USH2A: variants seen among roughly 807,000 people sequenced by gnomAD.
USH2A encodes the protein usherin.
In USH2A, 443 loss-of-function variants were observed where a neutral mutation model predicts 538.9. The observed-to-expected ratio is 0.82, with a 90% confidence interval of 0.76 to 0.89. USH2A has a LOEUF of 0.89. USH2A is among the 40% of genes least tolerant of loss of function. USH2A has a pLI of 0.00. For synonymous variants in USH2A, 2,413 were observed against 2,273.5 expected (o/e 1.06, Z -1.75); for missense variants, 6,633 against 6,324.8 (o/e 1.05, Z -1.65).
chr1:215,712,130 C>A (rs1163731115), intron 61 of USH2A, among the ~76,000 whole-genome samples: 1 of 152,130 alleles, frequency 6.6e-6, no homozygotes, highest in Non-Finnish European at 1.5e-5. Context: ...GACTCCCAAC[C>A]CAAATATGCT....
chr1:216,195,049 C>A (rs2034808084), intron 19 of USH2A, among the ~76,000 whole-genome samples: 1 of 152,086 alleles, frequency 6.6e-6, no homozygotes, highest in Non-Finnish European at 1.5e-5. Flanking sequence ...AAACTATATA[C>A]CATTTGCTAA....
chr1:215,912,489 A>ATATATATATATACGTATATATATATG (rs1665824418), intron 38 of USH2A, among the ~76,000 whole-genome samples: 1 of 21,884 alleles, frequency 4.6e-5, no homozygotes, highest in South Asian at 1.9e-3. Flanking sequence ...ATATATATAT[A>ATATATATATATACGTATATATATATG]TGTGTATATA....
At chr1:216,156,628 A>T (rs1317913940) in intron 21 of USH2A, among the ~76,000 whole-genome samples, 13 of 152,100 alleles carry the variant, frequency 8.5e-5, no homozygotes, top group Admixed American at 3.9e-4. Context: ...CCATCTACTG[A>T]TTTCTGTCAC....
chr1:216,251,661 T>G (rs1308306485), intron 11 of USH2A, among the ~76,000 whole-genome samples: 1 of 151,882 alleles, frequency 6.6e-6, no homozygotes, highest in Admixed American at 6.6e-5. Flanking sequence ...ATATTGGTCT[T>G]GATCTCTTGA....
intron 35 of USH2A, among the ~76,000 whole-genome samples, chr1:215,990,064 G>T (rs1226317347): frequency 6.6e-6 from 1 of 152,108 alleles, no homozygotes. Context: ...ACACAAGAAT[G>T]AAGTCTATCT....
intron 44 of USH2A, among the ~76,000 whole-genome samples, chr1:215,864,403 G>T (rs551799837): frequency 1.3e-5 from 2 of 152,120 alleles, no homozygotes; most frequent in South Asian, 2.1e-4. Context: ...TTTATCTTTG[G>T]TGTATTTTGT....
intron 44 of USH2A, among the ~76,000 whole-genome samples, chr1:215,858,803 G>C (rs1005096497): frequency 6.6e-6 from 1 of 151,950 alleles, no homozygotes; most frequent in African/African-American, 2.4e-5. Context: ...CCTTTATAAT[G>C]AATTCCTAAA....
chr1:215,916,824 T>C (rs1338255072), intron 38 of USH2A, among the ~76,000 whole-genome samples: 1 of 152,068 alleles, frequency 6.6e-6, no homozygotes, highest in Non-Finnish European at 1.5e-5. Flanking sequence ...CACTTCACAT[T>C]AGCATCCATA....
chr1:215,640,782 G>A, intron 67 of USH2A, 48 bp from the exon 68 acceptor site: 1 of 1,582,112 alleles, frequency 6.3e-7, no homozygotes, highest in South Asian at 1.1e-5. Context: ...CTCTTTGAAG[G>A]AGTGCAGGTG....
At position 215,866,999 on chromosome 1, in the gene USH2A, T is replaced by G; in HGVS notation, c.8845+8A>C. The G allele has an allele frequency of 6.2e-7, 1 of 1,613,642 alleles. No individual in the cohort carries two copies. The highest frequency in any genetic ancestry group is 8.5e-7 in the Non-Finnish European group (1 of 1,179,904). On this transcript the variant is annotated splice_region_variant and intron_variant, in intron 44 of 71. Coordinates refer to ENST00000307340, the MANE Select transcript of USH2A (RefSeq NM_206933.4). ...AAGTGTTAACACAGGTATGAGAAGC[T>G]TACTTACTTGGTTTAGCCCACCTCA...
chr1:215,830,516 G>T (rs1663282163), intron 47 of USH2A, among the ~76,000 whole-genome samples: 1 of 152,126 alleles, frequency 6.6e-6, no homozygotes, highest in African/African-American at 2.4e-5. Flanking sequence ...TGCAAATTTG[G>T]AGGCAGGCTG....
chr1:215,880,712 AG>A lies in USH2A; in HGVS notation c.8224-1615del, dbSNP rs202150855. 7.0e-3 allele frequency among the ~76,000 whole-genome samples: 1,059 copies of A among 152,332 alleles called. 11 individuals are homozygous for A. The highest frequency in any genetic ancestry group is 0.024 in the African/African-American group (987 of 41,578). On this transcript the variant is annotated intron_variant, in intron 41 of 71. Transcript: ENST00000307340. ...AAATGAAAAAAAGAAGAGCTATCAC[AG>A]CTAAATTCAACCTGACTAATCTGAA...
Position 215,685,162 on chromosome 1 carries a change from A to G in USH2A, c.12067-4786T>C, listed in dbSNP as rs531922414. ...AATTGGATGACTTTTATATGTCGTA[A>G]TGTAGACAAATCAACACAAAATATT... On this transcript the variant is annotated intron_variant, in intron 61 of 71. Transcript: ENST00000307340. Among the ~76,000 whole-genome samples, 15 of 152,170 alleles carry G rather than the reference A, an allele frequency of 9.9e-5. No individual in the cohort carries two copies. The South Asian group carries it at 2.1e-3, about 21-fold the overall frequency.
chr1:215,999,860 C>A (rs1668225744), intron 33 of USH2A, among the ~76,000 whole-genome samples: 1 of 151,968 alleles, frequency 6.6e-6, no homozygotes, highest in African/African-American at 2.4e-5. Context: ...AAAACTGAGT[C>A]CAGAAGAGAT....
intron 44 of USH2A, among the ~76,000 whole-genome samples, chr1:215,849,552 T>C (rs78838197): frequency 0.019 from 2,860 of 152,080 alleles, 96 homozygotes; most frequent in African/African-American, 0.066. Context: ...TAAAAATAAA[T>C]GCAATAAATA....
Position 215,885,688 on chromosome 1 carries a change from T to A in USH2A, c.8223+2738A>T, listed in dbSNP as rs185137089. Among the ~76,000 whole-genome samples the A allele has an allele frequency of 3.9e-5, 6 of 152,334 alleles. No homozygotes were observed. In the East Asian group the frequency reaches 5.8e-4, roughly 15 times the overall value. ...ATTTATACCAAGTCATATCACCTCTTTTAGTACTTACTAATATGTTACATT... is the reference window on the plus strand; with the variant it reads ...ATTTATACCAAGTCATATCACCTCTATTAGTACTTACTAATATGTTACATT... On this transcript the variant is annotated intron_variant, in intron 41 of 71. Transcript: ENST00000307340.
At chr1:216,202,324 G>A (rs1401735733) in intron 16 of USH2A, among the ~76,000 whole-genome samples, 2 of 152,158 alleles carry the variant, frequency 1.3e-5, no homozygotes, top group African/African-American at 4.8e-5. Flanking sequence ...TTATACAAGA[G>A]CAGTCTACTT....
At chr1:215,686,602 C>T (rs1032497202) in intron 61 of USH2A, among the ~76,000 whole-genome samples, 1 of 151,854 alleles carries the variant, frequency 6.6e-6, no homozygotes, top group Non-Finnish European at 1.5e-5. Flanking sequence ...TAACATTAGG[C>T]AAAAAATTTA....
intron 3 of USH2A, among the ~76,000 whole-genome samples, chr1:216,405,319 T>C (rs2039376005): frequency 6.6e-6 from 1 of 152,104 alleles, no homozygotes; most frequent in African/African-American, 2.4e-5. Flanking sequence ...CAAAACCCTG[T>C]AAAAAGAATA....
Sources: gnomAD v4.1 joint callset for allele counts (sites outside exome capture counted in the v4.1 genomes callset) on GRCh38, gnomAD v4.1.1 for gene constraint, MANE v1.5 for transcripts, NCBI Gene and HGNC (gene_info 2026-07-23, HGNC 2026-07-21) for gene names.